SLC45A4: variants seen among roughly 807,000 people sequenced by gnomAD.
SLC45A4 encodes the protein polyamine-transporter SLC45A4.
SLC45A4 carries 32 observed loss-of-function variants against 63.7 expected under a neutral mutation model. The ratio of observed to expected loss-of-function variants is 0.50; its 90% confidence interval spans 0.38 to 0.67. The LOEUF (loss-of-function observed/expected upper bound fraction) is 0.67, where lower values mean the gene tolerates loss of function less well. Among genes scored for constraint, SLC45A4 ranks in the 30% least tolerant of loss-of-function variants. SLC45A4 has a pLI of 0.00. For synonymous variants in SLC45A4, 535 were observed against 510.0 expected, an observed-to-expected ratio of 1.05 and a Z score of -0.66; for missense variants, 1,027 against 1,157.7, an observed-to-expected ratio of 0.89 and a Z score of 1.64.
chr8:141,301,729 T>C (rs78574420), intron 1 of SLC45A4, among the ~76,000 whole-genome samples: 13,241 of 39,370 alleles, frequency 0.34, 1,220 homozygotes, highest in East Asian at 0.61. Context: ...AATGAGACCC[T>C]ATCTCAAAAA....
chr8:141,268,207 C>T (rs10453156), intron 1 of SLC45A4, among the ~76,000 whole-genome samples: 2,010 of 152,302 alleles, frequency 0.013, 39 homozygotes, highest in African/African-American at 0.046. Context: ...AAAGAAGCTA[C>T]TCTGAAACGG....
intron 1 of SLC45A4, among the ~76,000 whole-genome samples, chr8:141,275,663 C>A (rs1045688301): frequency 1.3e-5 from 2 of 151,588 alleles, no homozygotes; most frequent in Non-Finnish European, 2.9e-5. Context: ...GCTTATTACA[C>A]CACTAAGAAA....
Position 141,229,591 on chromosome 8 carries a change from A to G in SLC45A4, c.242-7826T>C, listed in dbSNP as rs1827233062. ...AGGACCGCATCCTAGGAGGCTCTCA[A>G]CAAGCACGTGGCAGGTGACGGCACC... On this transcript the variant is annotated intron_variant, in intron 2 of 8. Coordinates refer to ENST00000517878, the MANE Select transcript of SLC45A4 (RefSeq NM_001286646.2). The surrounding 1 kb of genome is among the most constrained non-coding windows in gnomAD (Gnocchi z 5.0). Among the ~76,000 whole-genome samples the G allele has an allele frequency of 6.6e-6, 1 of 152,070 alleles. No homozygotes were observed.
intron 2 of SLC45A4, among the ~76,000 whole-genome samples, chr8:141,241,430 G>A (rs1017028438): frequency 3.9e-5 from 6 of 152,202 alleles, no homozygotes; most frequent in African/African-American, 9.7e-5. Flanking sequence ...GGGAGGCTGC[G>A]GGACAGGAGT....
At position 141,297,743 on chromosome 8, in the gene SLC45A4, C is replaced by CA. The variant is rs1830611620; in HGVS notation, c.-401+10352_-401+10353insT. Among the ~76,000 whole-genome samples the CA allele has an allele frequency of 2.0e-5, 3 of 152,200 alleles. No homozygotes were observed. In the South Asian group the frequency reaches 6.2e-4, roughly 32 times the overall value. On this transcript the variant is annotated intron_variant, in intron 1 of 8. Transcript: ENST00000517878. Reference sequence around the variant, plus strand: ...GATCTAGGAAATGGCAAAATGCTTTCTTCTTTTTGCATAGATTTTTGAATT... The same window carrying CA: ...GATCTAGGAAATGGCAAAATGCTTTCATTCTTTTTGCATAGATTTTTGAATT...
rs981778264 is a variant in SLC45A4 at position 141,207,316 on chromosome 8, A to C, written c.*4256T>G. 3 of 152,352 alleles carry C rather than the reference A, an allele frequency of 2.0e-5. No homozygotes were observed. The highest frequency in any genetic ancestry group is 7.2e-5 in the African/African-American group (3 of 41,460). 9.4% of individuals were successfully genotyped at this position (152,352 alleles called of 1,614,324 possible). Reference sequence around the variant, plus strand: ...GGGCGCGGACAGCAGCGCATGCCACAAACATTCACCTGGCAAAGAAACAGA... The same window carrying C: ...GGGCGCGGACAGCAGCGCATGCCACCAACATTCACCTGGCAAAGAAACAGA... On this transcript the variant is annotated 3_prime_UTR_variant, in exon 9 of 9. Coordinates refer to ENST00000517878, the MANE Select transcript of SLC45A4 (RefSeq NM_001286646.2).
intron 3 of SLC45A4, among the ~76,000 whole-genome samples, chr8:141,220,102 A>C: frequency 6.6e-6 from 1 of 152,180 alleles, no homozygotes; most frequent in Non-Finnish European, 1.5e-5. Flanking sequence ...ATGTTTTTCA[A>C]ACAGAAAGGG....
At position 141,229,011 on chromosome 8, in the gene SLC45A4, G is replaced by A. The variant is rs977777679; in HGVS notation, c.242-7246C>T. On this transcript the variant is annotated intron_variant, in intron 2 of 8. Coordinates refer to ENST00000517878, the MANE Select transcript of SLC45A4 (RefSeq NM_001286646.2). This position sits in a 1 kb window ranked among gnomAD's most constrained non-coding sequence, Gnocchi z 5.0. ...GCTGCCTCCTCGGCTGCACATCCCC[G>A]CCGTACACTTGTCTCCCCATCGGCT... Among the ~76,000 whole-genome samples, 5 of 151,924 alleles carry A rather than the reference G, an allele frequency of 3.3e-5. No homozygotes were observed. Among genetic ancestry groups the A allele is most frequent in the African/African-American group, 9.7e-5 (4 of 41,330 alleles).
chr8:141,216,018 C>T lies in SLC45A4; in HGVS notation c.1730-48G>A, dbSNP rs748028545. On this transcript the variant is annotated intron_variant, in intron 6 of 8. Coordinates refer to ENST00000517878, the MANE Select transcript of SLC45A4 (RefSeq NM_001286646.2). ...AAGGACAGTGGGCAGGCGGCTGGCT[C>T]CTGTCGGGCTCCCTCCACCATCCCT... 2.6e-6 allele frequency: 4 copies of T among 1,540,120 alleles called. No individual in the cohort carries two copies. In the Admixed American group the frequency reaches 5.4e-5, roughly 21 times the overall value.
intron 1 of SLC45A4, among the ~76,000 whole-genome samples, chr8:141,299,843 C>T (rs570017129): frequency 6.6e-6 from 1 of 152,268 alleles, no homozygotes; most frequent in East Asian, 1.9e-4. Flanking sequence ...TATTAATACC[C>T]AAAATACCAC....
chr8:141,252,876 T>C (rs903655414), intron 2 of SLC45A4, among the ~76,000 whole-genome samples: 5 of 151,442 alleles, frequency 3.3e-5, no homozygotes, highest in Non-Finnish European at 7.4e-5. Flanking sequence ...TGAATTTCTG[T>C]TTTCATATCC....
rs577730260 is a variant in SLC45A4, at chr8:141,228,370, T to G, written c.242-6605A>C. 538 of 1,556,578 alleles carry G rather than the reference T, an allele frequency of 3.5e-4. 7 individuals are homozygous for G. The South Asian group carries it at 5.1e-3, about 15-fold the overall frequency. ...AGGAGGGGCGCCTCAACAGCCTGGC[T>G]AGAGGCCCCTGGCCAGACCCAAGCA... is the stretch of plus-strand genomic sequence containing the variant. On this transcript the variant is annotated intron_variant, in intron 2 of 8. Coordinates refer to ENST00000517878, the MANE Select transcript of SLC45A4 (RefSeq NM_001286646.2).
chr8:141,286,305 G>A (rs546752030), intron 1 of SLC45A4, among the ~76,000 whole-genome samples: 1 of 152,244 alleles, frequency 6.6e-6, no homozygotes, highest in South Asian at 2.1e-4. Flanking sequence ...TTCAGAAAAG[G>A]CCTCCACCCT....
intron 1 of SLC45A4, among the ~76,000 whole-genome samples, chr8:141,293,959 AAAAAAAATCATCCGCGGT>A (rs1296695918): frequency 6.6e-6 from 1 of 152,168 alleles, no homozygotes; most frequent in Non-Finnish European, 1.5e-5. Flanking sequence ...AAATGTAAAA[AAAAAAAATCATCCGCGGT>A]AAAGATCTAC....
At chr8:141,230,310 C>G (rs2154614308) in intron 2 of SLC45A4, 1 of 356,206 alleles carries the variant, frequency 2.8e-6, no homozygotes, top group African/African-American at 2.1e-5. Context: ...GGGAGGGCCG[C>G]TCCTGAAGTC....
chr8:141,230,418 GGCCCT>G (rs747046437), intron 2 of SLC45A4: 19 of 321,402 alleles, frequency 5.9e-5, no homozygotes, highest in Non-Finnish European at 9.8e-5. Flanking sequence ...CGGCCAACAG[GGCCCT>G]GCACACTCAC....
intron 1 of SLC45A4, chr8:141,292,938 G>C (rs1482774597): frequency 1.3e-5 from 2 of 152,224 alleles, no homozygotes; most frequent in Admixed American, 1.3e-4. Flanking sequence ...GTGCGCAGAT[G>C]CCTGACTCTG....
intron 1 of SLC45A4, among the ~76,000 whole-genome samples, chr8:141,295,390 A>G (rs1235934205): frequency 6.6e-6 from 1 of 152,250 alleles, no homozygotes; most frequent in Non-Finnish European, 1.5e-5. Flanking sequence ...CGCCACCTTC[A>G]AGTTAGGCTC....
At position 141,215,913 on chromosome 8, in the gene SLC45A4, A is replaced by G; in HGVS notation, c.1787T>C (p.Leu596Pro). The G allele has an allele frequency of 6.2e-7, 1 of 1,614,118 alleles. No individual in the cohort carries two copies. The highest frequency in any genetic ancestry group is 8.5e-7 in the Non-Finnish European group (1 of 1,180,002). The change falls in exon 7 of 9, where the codon CTG becomes CCG. Residue 596 changes from leucine (L) to proline (P), a missense_variant. Transcript: ENST00000517878. This position sits in a 1 kb window ranked among gnomAD's most constrained non-coding sequence, Gnocchi z 4.3. Reference protein sequence around the residue: ...YDLSVRVIYVLGTLGFSVGTA... With the variant: ...YDLSVRVIYVPGTLGFSVGTA... Reference sequence around the variant, plus strand: ...GCCGACAGAGAAGCCCAGCGTCCCCAGCACGTAGATCACCCTGACGCTCAG... The same window carrying G: ...GCCGACAGAGAAGCCCAGCGTCCCCGGCACGTAGATCACCCTGACGCTCAG...
Sources: gnomAD v4.1 joint callset for allele counts (sites outside exome capture counted in the v4.1 genomes callset) on GRCh38, gnomAD v4.1.1 for gene constraint, Gnocchi (gnomAD v3.1) non-coding constraint, MANE v1.5 for transcripts, NCBI Gene and HGNC (gene_info 2026-07-23, HGNC 2026-07-21) for gene names.